Variants in PARM1 observed in about 807,000 individuals in gnomAD.
PARM1 encodes the protein WSC4, cell wall integrity and stress response component 4 homolog.
Under a neutral mutation model 24.6 loss-of-function variants are expected in PARM1, and 14 were observed. The observed-to-expected ratio is 0.57, with a 90% CI of 0.38 to 0.89. The LOEUF (loss-of-function observed/expected upper bound fraction) is 0.89. PARM1 is among the 40% of genes least tolerant of loss of function. The probability of loss-of-function intolerance (pLI) is 0.00; values close to 1 mark genes in which losing one functional copy is unlikely to be tolerated. For missense variants in PARM1, 362 were observed against 380.4 expected (o/e 0.95, Z 0.40); for synonymous variants, 179 against 156.6 (o/e 1.14, Z -1.07).
At chr4:75,031,341 C>T (rs1315582147) in intron 2 of PARM1, among the ~76,000 whole-genome samples, 12 of 152,196 alleles carry the variant, frequency 7.9e-5, no homozygotes, top group Admixed American at 7.2e-4. Flanking sequence ...TGCCCCTTTG[C>T]CCAGCTGCCC....
At chr4:74,946,887 G>C (rs1382222213) in intron 1 of PARM1, among the ~76,000 whole-genome samples, 1 of 152,174 alleles carries the variant, frequency 6.6e-6, no homozygotes, top group Non-Finnish European at 1.5e-5. Flanking sequence ...CATAATAGAT[G>C]AGTAGAAGAA....
At chr4:75,042,679 G>C (rs1723516637) in intron 3 of PARM1, among the ~76,000 whole-genome samples, 1 of 151,792 alleles carries the variant, frequency 6.6e-6, no homozygotes, top group Non-Finnish European at 1.5e-5. Context: ...TTCTGACCTA[G>C]AGAGAAAGTT....
At chr4:74,983,076 TTA>T (rs1722289467) in intron 1 of PARM1, among the ~76,000 whole-genome samples, 1 of 152,202 alleles carries the variant, frequency 6.6e-6, no homozygotes, top group Admixed American at 6.5e-5. Flanking sequence ...ACTCAGAGTC[TTA>T]TACTAAGTTA....
intron 1 of PARM1, among the ~76,000 whole-genome samples, chr4:74,984,493 G>C (rs925095877): frequency 1.3e-5 from 2 of 152,190 alleles, no homozygotes; most frequent in Non-Finnish European, 2.9e-5. Context: ...ATAAGGAGTT[G>C]TCCTGTTTCC....
chr4:75,019,553 A>C (rs1369398530), intron 2 of PARM1, among the ~76,000 whole-genome samples: 1 of 152,226 alleles, frequency 6.6e-6, no homozygotes, highest in Non-Finnish European at 1.5e-5. Context: ...GCCAATAAAT[A>C]CATTTAAATA....
At chr4:75,013,580 A>G (rs543853579) in intron 2 of PARM1, among the ~76,000 whole-genome samples, 1 of 152,300 alleles carries the variant, frequency 6.6e-6, no homozygotes, top group Non-Finnish European at 1.5e-5. Flanking sequence ...ATTAACTGAA[A>G]TGACATAAAG....
At chr4:75,003,858 T>C (rs1349816970) in intron 1 of PARM1, among the ~76,000 whole-genome samples, 1 of 152,104 alleles carries the variant, frequency 6.6e-6, no homozygotes, top group African/African-American at 2.4e-5. Flanking sequence ...GAAATGTAAA[T>C]AAATAATTAT....
intron 1 of PARM1, among the ~76,000 whole-genome samples, chr4:74,963,849 C>T (rs1392973503): frequency 3.9e-5 from 6 of 152,080 alleles, no homozygotes; most frequent in African/African-American, 7.2e-5. Flanking sequence ...AATCTTTCTA[C>T]GTGCCAAAAA....
At position 75,012,998 on chromosome 4, in the gene PARM1, C is replaced by T. The variant is rs950965915; in HGVS notation, c.617C>T (p.Pro206Leu). The T allele has an allele frequency of 1.2e-6, 2 of 1,613,974 alleles. No individual in the cohort carries two copies. Among genetic ancestry groups the T allele is most frequent in the African/African-American group, 2.7e-5 (2 of 75,040 alleles). ...PTEESSSDHT[P>L]TSHATAEPVP... ...GAGGAGTCCAGCTCTGACCACACAC[C>T]CACTTCACATGCCACAGCTGAGCCA... The change falls in exon 2 of 4, where the codon CCC becomes CTC. Residue 206 changes from proline to leucine, a missense_variant. Transcript: ENST00000307428.
chr4:75,029,106 T>C (rs903414123), intron 2 of PARM1, among the ~76,000 whole-genome samples: 1 of 151,964 alleles, frequency 6.6e-6, no homozygotes, highest in African/African-American at 2.4e-5. Flanking sequence ...TGCGGGCCCA[T>C]GGGGATGTGT....
In PARM1 at chr4:75,008,669, T is replaced by C. The variant is rs371614312; in HGVS notation, c.44-3756T>C. On this transcript the variant is annotated intron_variant, in intron 1 of 3. Transcript: ENST00000307428. Reference sequence around the variant, plus strand: ...ATTAATCTTTCCTCAGAGTTTCCATTACAACTTGGTTTTACTTTTATATAG... The same window carrying C: ...ATTAATCTTTCCTCAGAGTTTCCATCACAACTTGGTTTTACTTTTATATAG... 3.3e-3 allele frequency among the ~76,000 whole-genome samples: 508 copies of C among 152,346 alleles called. 6 individuals carry two copies. The highest frequency in any genetic ancestry group is 0.011 in the African/African-American group (473 of 41,582).
At chr4:75,014,904 A>G (rs1179727808) in intron 2 of PARM1, among the ~76,000 whole-genome samples, 1 of 152,214 alleles carries the variant, frequency 6.6e-6, no homozygotes, top group Non-Finnish European at 1.5e-5. Flanking sequence ...GCATGAAGGT[A>G]ACATCTCTGA....
At chr4:75,042,656 A>C (rs1408048744) in intron 3 of PARM1, among the ~76,000 whole-genome samples, 1 of 151,896 alleles carries the variant, frequency 6.6e-6, no homozygotes, top group Admixed American at 6.6e-5. Flanking sequence ...AAAATGTGCC[A>C]TGATTTAAGA....
chr4:75,044,744 A>G (rs992135496), intron 3 of PARM1, among the ~76,000 whole-genome samples: 12 of 140,416 alleles, frequency 8.5e-5, no homozygotes, highest in Non-Finnish European at 1.8e-4. Context: ...AGCAATTTAC[A>G]AAAGAAAGAG....
In PARM1 at chr4:75,030,203, G is replaced by A. The variant is rs1374191906; in HGVS notation, c.770-3680G>A. 2.0e-5 allele frequency among the ~76,000 whole-genome samples: 3 copies of A among 152,296 alleles called. No individual in the cohort carries two copies. The East Asian group carries it at 5.8e-4, about 29-fold the overall frequency. Reference sequence around the variant, plus strand: ...AGTGAAGAAGAATAGGAGCTGGCCAGGCTAAGAAAAGTTAATGATTAAAAA... The same window carrying A: ...AGTGAAGAAGAATAGGAGCTGGCCAAGCTAAGAAAAGTTAATGATTAAAAA... On this transcript the variant is annotated intron_variant, in intron 2 of 3. Coordinates refer to ENST00000307428, the MANE Select transcript of PARM1 (RefSeq NM_015393.4).
intron 1 of PARM1, among the ~76,000 whole-genome samples, chr4:74,954,466 A>G (rs181749471): frequency 6.6e-6 from 1 of 152,366 alleles, no homozygotes; most frequent in African/African-American, 2.4e-5. Flanking sequence ...AAAGTTTCTA[A>G]CAACGTAAAC....
intron 1 of PARM1, among the ~76,000 whole-genome samples, chr4:74,981,471 A>C (rs756315216): frequency 6.6e-6 from 1 of 152,218 alleles, no homozygotes. Context: ...TAAAAGGTCA[A>C]GAAACGACAG....
intron 1 of PARM1, among the ~76,000 whole-genome samples, chr4:74,977,465 G>A (rs1471507133): frequency 1.3e-5 from 2 of 152,138 alleles, no homozygotes; most frequent in Non-Finnish European, 1.5e-5. Flanking sequence ...ATGGGATTAT[G>A]TAAAAAGGCT....
At chr4:74,938,658 A>G (rs1721241514) in intron 1 of PARM1, among the ~76,000 whole-genome samples, 1 of 152,168 alleles carries the variant, frequency 6.6e-6, no homozygotes, top group African/African-American at 2.4e-5. Context: ...ATAGTTCATG[A>G]CATTTCTTTT....
Sources: gnomAD v4.1 joint callset for allele counts (sites outside exome capture counted in the v4.1 genomes callset) on GRCh38, gnomAD v4.1.1 for gene constraint, MANE v1.5 for transcripts, NCBI Gene and HGNC (gene_info 2026-07-23, HGNC 2026-07-21) for gene names.